The following ITPK1 variants were observed in gnomAD, a reference collection of about 807,000 sequenced individuals.
ITPK1 encodes the protein inositol 1,3,4-trisphosphate 5/6-kinase.
In ITPK1, 21 loss-of-function variants were observed where a neutral mutation model predicts 45.3. The observed-to-expected ratio is 0.46, with a 90% CI of 0.33 to 0.67. The LOEUF is 0.67. Ranked by LOEUF, ITPK1 falls within the 30% of genes least tolerant of loss-of-function variation. The probability of loss-of-function intolerance (pLI) is 0.02; values close to 1 mark genes in which losing one functional copy is unlikely to be tolerated. For missense variants in ITPK1, 474 were observed against 573.5 expected, an observed-to-expected ratio of 0.83 and a Z score of 1.77; for synonymous variants, 258 against 253.6, an observed-to-expected ratio of 1.02 and a Z score of -0.16.
chr14:92,995,516 C>T (rs1023752631), intron 4 of ITPK1, among the ~76,000 whole-genome samples: 18 of 152,214 alleles, frequency 1.2e-4, no homozygotes, highest in Admixed American at 5.9e-4. Context: ...TTGGATTTCG[C>T]GGCAGAGTAT....
At chr14:93,022,655 G>A (rs2139870033) in intron 3 of ITPK1, among the ~76,000 whole-genome samples, 1 of 152,076 alleles carries the variant, frequency 6.6e-6, no homozygotes, top group South Asian at 2.1e-4. Flanking sequence ...GGGATTACAA[G>A]CGTGCACCAC....
rs1473590599 is a variant in ITPK1, at chr14:92,937,590, A to G, written c.*3971T>C. 6.6e-6 allele frequency: 1 copy of G among 152,290 alleles called. No individual in the cohort carries two copies. Among genetic ancestry groups the G allele is most frequent in the African/African-American group, 2.4e-5 (1 of 41,442 alleles). 9.4% of individuals were successfully genotyped at this position (152,290 alleles called of 1,614,324 possible). A position where few individuals can be genotyped will look rare whatever the true frequency, so the allele number is the denominator to read the frequency against. On this transcript the variant is annotated 3_prime_UTR_variant, in exon 11 of 11. Coordinates refer to ENST00000267615, the MANE Select transcript of ITPK1 (RefSeq NM_014216.6). ...CCAGCTCTCCCCTGAGCAGTGCGGG[A>G]GGCTCACTCACTCCAAACCACACTG...
chr14:93,015,120 A>T (rs1435014801), intron 4 of ITPK1, among the ~76,000 whole-genome samples: 1 of 152,196 alleles, frequency 6.6e-6, no homozygotes, highest in Non-Finnish European at 1.5e-5. Flanking sequence ...AGCTGGGACC[A>T]CACCCCAGGA....
rs1445758894 is a variant in ITPK1, at chr14:93,014,843, G to C, written c.246+1833C>G. Among the ~76,000 whole-genome samples, 1 of 152,266 alleles carries C rather than the reference G, an allele frequency of 6.6e-6. No homozygotes were observed. The highest frequency in any genetic ancestry group is 2.1e-4 in the South Asian group (1 of 4,834). ...CGCTTTCGAGCAGGGCTTGGTAAGC[G>C]GTAACTGCTCTGCAGTGCTTTCTGA... On this transcript the variant is annotated intron_variant, in intron 4 of 10. Transcript: ENST00000267615. This position sits in a 1 kb window ranked among gnomAD's most constrained non-coding sequence, Gnocchi z 4.4.
At chr14:92,980,672 T>C (rs1009294404) in intron 5 of ITPK1, among the ~76,000 whole-genome samples, 4 of 152,096 alleles carry the variant, frequency 2.6e-5, no homozygotes, top group Non-Finnish European at 4.4e-5. Flanking sequence ...TCTCATAGTT[T>C]GTTTGTTTAT....
intron 3 of ITPK1, among the ~76,000 whole-genome samples, chr14:93,073,824 TC>T (rs2139978202): frequency 6.6e-6 from 1 of 152,276 alleles, no homozygotes; most frequent in African/African-American, 2.4e-5. Flanking sequence ...ATTCTGAGCC[TC>T]AGTTTCCCCA....
chr14:92,975,529 C>T (rs1200303406), intron 5 of ITPK1, among the ~76,000 whole-genome samples: 1 of 152,208 alleles, frequency 6.6e-6, no homozygotes, highest in Non-Finnish European at 1.5e-5. Context: ...GTCAGCTTGA[C>T]TGGGCCACAG....
intron 4 of ITPK1, among the ~76,000 whole-genome samples, chr14:93,004,335 A>G (rs1287402555): frequency 6.6e-6 from 1 of 152,212 alleles, no homozygotes; most frequent in Non-Finnish European, 1.5e-5. Flanking sequence ...TGTTGAGGCC[A>G]TTTCCTCACT....
At chr14:93,004,455 C>T (rs1318383602) in intron 4 of ITPK1, among the ~76,000 whole-genome samples, 3 of 152,296 alleles carry the variant, frequency 2.0e-5, no homozygotes, top group African/African-American at 4.8e-5. Flanking sequence ...AAATCTCCCA[C>T]GTCTGAGCAC....
rs555122105 is a variant in ITPK1, at chr14:92,959,186, C to T, written c.505-820G>A. On this transcript the variant is annotated intron_variant, in intron 7 of 10. Coordinates refer to ENST00000267615, the MANE Select transcript of ITPK1 (RefSeq NM_014216.6). ...AAAACCCTCTCAGCCCCGGCCAGCA[C>T]GGGCTCTGCACAGGGTCTGCTCTAA... 4.6e-4 allele frequency among the ~76,000 whole-genome samples: 70 copies of T among 152,274 alleles called. 1 individual carries two copies. Among genetic ancestry groups the T allele is most frequent in the African/African-American group, 1.6e-3 (66 of 41,560 alleles).
chr14:93,115,247 G>A lies in ITPK1; in HGVS notation c.-84C>T. 1.1e-6 allele frequency: 1 copy of A among 875,432 alleles called. No individual in the cohort carries two copies. The highest frequency in any genetic ancestry group is 1.4e-5 in the South Asian group (1 of 69,444). The allele number at this position is 875,432 out of a possible 1,614,324, so 54.2% of individuals were successfully genotyped here. A position where few individuals can be genotyped will look rare whatever the true frequency, so the allele number is the denominator to read the frequency against. ...CGGCCGGCGCGCGCCGCGAGCGAGTGGGCACCTCCTCCCGGCGGCGGGGAC... is the reference window on the plus strand; with the variant it reads ...CGGCCGGCGCGCGCCGCGAGCGAGTAGGCACCTCCTCCCGGCGGCGGGGAC... On this transcript the variant is annotated 5_prime_UTR_variant, in exon 2 of 11. Transcript: ENST00000267615.
intron 3 of ITPK1, among the ~76,000 whole-genome samples, chr14:93,060,072 G>T (rs1048101568): frequency 6.6e-6 from 1 of 151,990 alleles, no homozygotes; most frequent in African/African-American, 2.4e-5. Flanking sequence ...GGAGGAGGGG[G>T]GTGGGGTATT....
rs183719730 is a variant in ITPK1, at chr14:93,081,528, C to A, written c.96-4909G>T. Among the ~76,000 whole-genome samples, 4 of 152,306 alleles carry A rather than the reference C, an allele frequency of 2.6e-5. No homozygotes were observed. In the East Asian group the frequency reaches 7.7e-4, roughly 29 times the overall value. On this transcript the variant is annotated intron_variant, in intron 2 of 10. Coordinates refer to ENST00000267615, the MANE Select transcript of ITPK1 (RefSeq NM_014216.6). ...GGATGATCCGCTTTGCACAGGGAAG[C>A]CTGTCCCCAGAAGTCCAAGGAGCAC...
In ITPK1 at chr14:92,941,680, C is replaced by T. The variant is rs763023945; in HGVS notation, c.1126G>A (p.Ala376Thr). The T allele has an allele frequency of 2.4e-5, 37 of 1,546,776 alleles. No individual in the cohort carries two copies. Among genetic ancestry groups the T allele is most frequent in the Non-Finnish European group, 3.1e-5 (36 of 1,148,750 alleles). The part of the protein sequence containing the change: ...MGQDAPWKAE[A>T]DAGGTAKLPH... ...AGCTTGGCGGTGCCGCCCGCGTCGG[C>T]CTCAGCCTTCCAGGGCGCGTCCTGG... Residue 376 changes from alanine to threonine, a missense_variant, in exon 11 of 11, where the codon GCC becomes ACC. Around this residue, in one of 2 missense-constraint regions of ITPK1, gnomAD observed 107 missense variants for 92.9 expected, o/e 1.15. Coordinates refer to ENST00000267615, the MANE Select transcript of ITPK1 (RefSeq NM_014216.6).
At position 92,958,285 on chromosome 14, in the gene ITPK1, C is replaced by T. The variant is rs368483115; in HGVS notation, c.586G>A (p.Val196Ile). 1.3e-5 allele frequency: 21 copies of T among 1,614,038 alleles called. No homozygotes were observed. Among genetic ancestry groups the T allele is most frequent in the South Asian group, 5.5e-5 (5 of 91,080 alleles). ...CCAACCACGAACACCTTGTACAGGA[C>T]GGCGTTGTGGTTGATGAAATTCTGG... Reference protein sequence around the residue: ...VVQNFINHNAVLYKVFVVGES... With the variant: ...VVQNFINHNAILYKVFVVGES... Residue 196 changes from valine (V) to isoleucine (I), a missense_variant, in exon 8 of 11, where the codon GTC becomes ATC. Val to Ile is a conservative substitution (Grantham distance 29). This residue lies in a region of ITPK1 where 367 missense variants were observed against 480.6 expected (regional missense o/e 0.76). Coordinates refer to ENST00000267615, the MANE Select transcript of ITPK1 (RefSeq NM_014216.6). The surrounding 1 kb of genome is among the most constrained non-coding windows in gnomAD (Gnocchi z 4.4).
At chr14:93,083,672 C>T (rs1891534756) in intron 2 of ITPK1, among the ~76,000 whole-genome samples, 1 of 152,178 alleles carries the variant, frequency 6.6e-6, no homozygotes, top group Admixed American at 6.5e-5. Flanking sequence ...CCGTACCCCA[C>T]AGAAGCCCAG....
At chr14:92,951,913 T>G in intron 9 of ITPK1, 33 bp downstream of exon 9, 1 of 1,546,716 alleles carries the variant, frequency 6.5e-7, no homozygotes, top group South Asian at 1.2e-5. Context: ...GGAGGGCAGT[T>G]TCAGGCCAGG....
chr14:92,991,037 G>C (rs1566719975), intron 5 of ITPK1, among the ~76,000 whole-genome samples: 1 of 152,120 alleles, frequency 6.6e-6, no homozygotes, highest in African/African-American at 2.4e-5. Context: ...GGGCAGGGGG[G>C]GTGACAACCG....
chr14:93,088,351 T>TTTTTTTTTTTTTTTTTTTTTTTC (rs1270955856), intron 2 of ITPK1, among the ~76,000 whole-genome samples: 1 of 149,770 alleles, frequency 6.7e-6, no homozygotes, highest in Non-Finnish European at 1.5e-5. Flanking sequence ...GTTTTTTTTT[T>TTTTTTTTTTTTTTTTTTTTTTTC]TTTTTTGAGA....
Sources: gnomAD v4.1 joint callset for allele counts (sites outside exome capture counted in the v4.1 genomes callset) on GRCh38, gnomAD v4.1.1 for gene constraint, gnomAD v4.1.1 regional missense constraint, Gnocchi (gnomAD v3.1) non-coding constraint, MANE v1.5 for transcripts, NCBI Gene and HGNC (gene_info 2026-07-23, HGNC 2026-07-21) for gene names.